Variants in HS2ST1 observed in about 807,000 individuals in gnomAD.
HS2ST1 encodes the protein 2-O-sulfotransferase.
Under a neutral mutation model 42.9 loss-of-function variants are expected in HS2ST1, and 18 were observed. The observed-to-expected ratio is 0.42, with a 90% CI of 0.29 to 0.62. The LOEUF is 0.62. Among genes scored for constraint, HS2ST1 ranks in the 20% least tolerant of loss-of-function variants. The probability of loss-of-function intolerance (pLI) is 0.21; values close to 1 mark genes in which losing one functional copy is unlikely to be tolerated. For missense variants in HS2ST1, 334 were observed against 433.8 expected (o/e 0.77, Z 2.04); for synonymous variants, 146 against 152.9 (o/e 0.95, Z 0.33).
chr1:87,033,539 T>TTTTGTTTG (rs377353101), intron 1 of HS2ST1, among the ~76,000 whole-genome samples: 1 of 151,680 alleles, frequency 6.6e-6, no homozygotes, highest in African/African-American at 2.4e-5. Context: ...TTTTTTGTTT[T>TTTTGTTTG]TTTGTTTGTT....
At chr1:87,021,600 G>A (rs1386439028) in intron 1 of HS2ST1, among the ~76,000 whole-genome samples, 6 of 152,128 alleles carry the variant, frequency 3.9e-5, no homozygotes, top group African/African-American at 1.4e-4. Context: ...CTACAACCTT[G>A]AGTTTCCGGG....
At chr1:87,059,110 A>G (rs1038803855) in intron 1 of HS2ST1, among the ~76,000 whole-genome samples, 2 of 152,184 alleles carry the variant, frequency 1.3e-5, no homozygotes, top group African/African-American at 4.8e-5. Context: ...GCTCACAGTA[A>G]AGGCTCAAAG....
chr1:86,941,907 A>G (rs1169339006), intron 1 of HS2ST1, among the ~76,000 whole-genome samples: 1 of 152,220 alleles, frequency 6.6e-6, no homozygotes, highest in African/African-American at 2.4e-5. Flanking sequence ...TTCAGAAACC[A>G]AGTCAATCTT....
intron 1 of HS2ST1, among the ~76,000 whole-genome samples, chr1:87,041,192 A>T (rs763432953): frequency 3.4e-5 from 5 of 149,092 alleles, no homozygotes; most frequent in Non-Finnish European, 5.9e-5. Context: ...GAAGCAATAC[A>T]ATCTGGGAAA....
intron 1 of HS2ST1, among the ~76,000 whole-genome samples, chr1:86,948,690 A>G (rs2102183583): frequency 6.6e-6 from 1 of 152,338 alleles, no homozygotes; most frequent in Admixed American, 6.5e-5. Context: ...GTGTTGCTAC[A>G]TTCAAAAAAT....
chr1:87,097,434 G>A (rs984192565), intron 4 of HS2ST1, among the ~76,000 whole-genome samples: 1 of 152,074 alleles, frequency 6.6e-6, no homozygotes, highest in African/African-American at 2.4e-5. Flanking sequence ...TTGCTCTGTC[G>A]CCAGGCTGGA....
chr1:87,068,444 AAGG>A lies in HS2ST1; in HGVS notation c.125-4487_125-4485del, dbSNP rs1557534907. 3.3e-5 allele frequency among the ~76,000 whole-genome samples: 5 copies of A among 152,342 alleles called. No homozygotes were observed. The South Asian group carries it at 6.2e-4, about 19-fold the overall frequency. ...CTTTGCTGAAGTTGCTTATCAGCTT[AAGG>A]AGATTTTGGGCTGAGACGATGGGGT... On this transcript the variant is annotated intron_variant, in intron 1 of 6. Coordinates refer to ENST00000370550, the MANE Select transcript of HS2ST1 (RefSeq NM_012262.4).
chr1:86,966,706 G>A (rs904334551), intron 1 of HS2ST1, among the ~76,000 whole-genome samples: 4 of 152,138 alleles, frequency 2.6e-5, no homozygotes, highest in Non-Finnish European at 4.4e-5. Context: ...AACCTCTTGA[G>A]TAGCTGGTAG....
rs534570148 is a variant in HS2ST1, at chr1:87,109,154, A to C, written c.*4458A>C. On this transcript the variant is annotated 3_prime_UTR_variant, in exon 7 of 7. Coordinates refer to ENST00000370550, the MANE Select transcript of HS2ST1 (RefSeq NM_012262.4). ...GTTTCAGTTGACTACCTGATGCAAA[A>C]GCTATAAAATAAACAGTGGGAAGGG... 10 of 152,686 alleles carry C rather than the reference A, an allele frequency of 6.5e-5. 1 individual carries two copies. The highest frequency in any genetic ancestry group is 2.4e-4 in the African/African-American group (10 of 41,564). 9.5% of individuals were successfully genotyped at this position (152,686 alleles called of 1,614,324 possible).
chr1:87,074,329 G>A (rs571973439), intron 2 of HS2ST1, among the ~76,000 whole-genome samples: 2 of 152,176 alleles, frequency 1.3e-5, no homozygotes, highest in African/African-American at 2.4e-5. Context: ...TCAAGGACAA[G>A]TATCCTAAAT....
rs763139811 is a variant in HS2ST1, at chr1:86,915,148, C to G, written c.112C>G (p.Arg38Gly). The G allele has an allele frequency of 4.3e-6, 7 of 1,613,496 alleles. No individual in the cohort carries two copies. Among genetic ancestry groups the G allele is most frequent in the Non-Finnish European group, 5.9e-6 (7 of 1,179,716 alleles). Residue 38 changes from arginine (R) to glycine (G), a missense_variant, in exon 1 of 7, where the codon CGC becomes GGC. By Grantham distance (125) the Arg-to-Gly change is moderately radical (BLOSUM62 -2). Coordinates refer to ENST00000370550, the MANE Select transcript of HS2ST1 (RefSeq NM_012262.4). ...CCAGATCCAGAAACTGGAGGAGTCC[C>G]GCTCGAAGCTAGGTGAGGAACTGAA... ...ENQIQKLEES[R>G]SKLERAIARH... is the part of the protein sequence containing the mutation.
chr1:87,103,766 AAATTAG>A (rs1652271024), intron 6 of HS2ST1, among the ~76,000 whole-genome samples, 177 bp downstream of exon 6: 1 of 152,204 alleles, frequency 6.6e-6, no homozygotes, highest in Non-Finnish European at 1.5e-5. Flanking sequence ...AATTAGGTGA[AAATTAG>A]AAGGCACTGT....
chr1:87,080,406 GT>G (rs1179132557), intron 2 of HS2ST1, among the ~76,000 whole-genome samples: 1 of 152,178 alleles, frequency 6.6e-6, no homozygotes, highest in Non-Finnish European at 1.5e-5. Flanking sequence ...AGATGGAGTA[GT>G]TTTGAACGAC....
Position 87,041,420 on chromosome 1 carries a change from T to G in HS2ST1, c.125-31514T>G, listed in dbSNP as rs562304580. ...TATATAAATTTAAAAAAAGAAGAAA[T>G]AAATTAAATTTTAAAAATTAAATGT... On this transcript the variant is annotated intron_variant, in intron 1 of 6. Transcript: ENST00000370550. Among the ~76,000 whole-genome samples the G allele has an allele frequency of 9.1e-4, 136 of 148,920 alleles. No homozygotes were observed. In the South Asian group the frequency reaches 9.3e-3, roughly 10 times the overall value.
At chr1:86,931,251 G>C (rs1660533961) in intron 1 of HS2ST1, among the ~76,000 whole-genome samples, 1 of 152,058 alleles carries the variant, frequency 6.6e-6, no homozygotes, top group South Asian at 2.1e-4. Flanking sequence ...TCCTGAAAAA[G>C]AGTTGAAGAG....
At chr1:87,001,935 T>A (rs546287116) in intron 1 of HS2ST1, among the ~76,000 whole-genome samples, 1 of 141,494 alleles carries the variant, frequency 7.1e-6, no homozygotes, top group South Asian at 2.3e-4. Context: ...TTTTTTGAGA[T>A]GGAATCTTGC....
At chr1:86,933,425 T>A (rs553597240) in intron 1 of HS2ST1, among the ~76,000 whole-genome samples, 2 of 152,366 alleles carry the variant, frequency 1.3e-5, no homozygotes, top group African/African-American at 4.8e-5. Context: ...TTTTCTCTGC[T>A]GTGTCTAGTC....
intron 1 of HS2ST1, among the ~76,000 whole-genome samples, chr1:86,962,024 A>G (rs1182596332): frequency 6.6e-6 from 1 of 152,068 alleles, no homozygotes; most frequent in Non-Finnish European, 1.5e-5. Flanking sequence ...GTTTATTTTC[A>G]TATTTCGAGT....
intron 1 of HS2ST1, among the ~76,000 whole-genome samples, chr1:87,070,890 TTGTCTAGGCAGC>T (rs1209929558): frequency 6.6e-6 from 1 of 152,180 alleles, no homozygotes; most frequent in East Asian, 1.9e-4. Context: ...ATACTGTATA[TTGTCTAGGCAGC>T]TGTCTATCTG....
Sources: allele counts gnomAD v4.1 joint callset (sites outside exome capture counted in the v4.1 genomes callset), GRCh38; gene constraint gnomAD v4.1.1; transcripts MANE v1.5; gene names NCBI Gene and HGNC (gene_info 2026-07-23, HGNC 2026-07-21).